CPEB3: variants seen among roughly 807,000 people sequenced by gnomAD.
CPEB3 encodes cytoplasmic polyadenylation element-binding protein 3.
CPEB3 carries 20 observed loss-of-function variants against 67.2 expected under a neutral mutation model. That is an observed-to-expected ratio of 0.30 (90% CI 0.21 to 0.43). The LOEUF (loss-of-function observed/expected upper bound fraction) is 0.43, where lower values mean the gene tolerates loss of function less well. CPEB3 is among the 20% of genes least tolerant of loss of function. CPEB3 has a pLI of 1.00. For missense variants in CPEB3, 746 were observed against 968.6 expected (o/e 0.77, Z 3.05); for synonymous variants, 376 against 393.1 (o/e 0.96, Z 0.51).
At chr10:92,147,427 G>A (rs1165380992) in intron 4 of CPEB3, among the ~76,000 whole-genome samples, 1 of 152,060 alleles carries the variant, frequency 6.6e-6, no homozygotes, top group African/African-American at 2.4e-5. Context: ...GTGCACACCA[G>A]CCTGGGTGAC....
At chr10:92,163,687 C>T (rs1164143668) in intron 4 of CPEB3, among the ~76,000 whole-genome samples, 6 of 152,136 alleles carry the variant, frequency 3.9e-5, no homozygotes, top group Non-Finnish European at 8.8e-5. Context: ...TCTTTAAATG[C>T]TCCTCCTATA....
intron 1 of CPEB3, among the ~76,000 whole-genome samples, chr10:92,241,246 A>G (rs1414188759): frequency 7.4e-6 from 1 of 134,232 alleles, no homozygotes; most frequent in Middle Eastern, 3.6e-3. Flanking sequence ...TTCTCTGCAG[A>G]GTGGAGAAAT....
intron 4 of CPEB3, among the ~76,000 whole-genome samples, chr10:92,149,368 G>A (rs1266430460): frequency 6.6e-6 from 1 of 152,200 alleles, no homozygotes; most frequent in African/African-American, 2.4e-5. Flanking sequence ...TTTGAACTCA[G>A]GGAGAGGGTG....
intron 2 of CPEB3, among the ~76,000 whole-genome samples, chr10:92,199,679 CAAAAAA>C (rs59100106): frequency 1.4e-5 from 1 of 71,096 alleles, no homozygotes; most frequent in Non-Finnish European, 2.5e-5. Flanking sequence ...GACTCCATCT[CAAAAAA>C]AAAAAAAAAA....
chr10:92,132,692 AC>A (rs1280339629), intron 6 of CPEB3, among the ~76,000 whole-genome samples: 1 of 152,130 alleles, frequency 6.6e-6, no homozygotes, highest in African/African-American at 2.4e-5. Context: ...AGAACTCTCC[AC>A]CCCAAATCAA....
intron 8 of CPEB3, 73 bp from the exon 9 acceptor site, chr10:92,081,574 T>C: frequency 7.7e-7 from 1 of 1,292,146 alleles, no homozygotes; most frequent in Non-Finnish European, 1.1e-6. Flanking sequence ...AAGGAAGAAT[T>C]ATTTAGAGAT....
chr10:92,088,972 GTTTTC>G (rs1173070361), intron 8 of CPEB3, among the ~76,000 whole-genome samples: 3 of 152,130 alleles, frequency 2.0e-5, no homozygotes, highest in African/African-American at 4.8e-5. Flanking sequence ...AAACACATTT[GTTTTC>G]TTCTGAAATC....
intron 2 of CPEB3, among the ~76,000 whole-genome samples, chr10:92,237,190 C>G (rs1851581683): frequency 6.6e-6 from 1 of 152,172 alleles, no homozygotes; most frequent in East Asian, 1.9e-4. Context: ...AATATCCCAG[C>G]CAAAGCACAA....
intron 1 of CPEB3, among the ~76,000 whole-genome samples, chr10:92,249,333 C>T (rs925439091): frequency 8.7e-5 from 13 of 149,668 alleles, no homozygotes; most frequent in Middle Eastern, 3.2e-3. Flanking sequence ...GAGCCAAGAT[C>T]GTGCCACTGC....
At chr10:92,243,839 A>C (rs1851949808) in intron 1 of CPEB3, among the ~76,000 whole-genome samples, 2 of 152,164 alleles carry the variant, frequency 1.3e-5, no homozygotes, top group South Asian at 2.1e-4. Context: ...TTTAGTCATA[A>C]ATTTTTGACA....
At position 92,111,150 on chromosome 10, in the gene CPEB3, A is replaced by C. The variant is rs1246781255; in HGVS notation, c.1498T>G (p.Leu500Val). ...LFQEESSVQA[L>V]IDACLEEDGK... ...TCTTCTTCTAGGCAGGCATCTATCAAAGCTTGTACTGAGCTTTCCTCTTGG... is the reference window on the plus strand; with the variant it reads ...TCTTCTTCTAGGCAGGCATCTATCACAGCTTGTACTGAGCTTTCCTCTTGG... Residue 500 changes from leucine to valine, a missense_variant, in exon 7 of 10, where the codon TTG becomes GTG. Leu to Val is a conservative substitution (Grantham distance 32). Coordinates refer to ENST00000265997, the MANE Select transcript of CPEB3 (RefSeq NM_014912.5). The C allele has an allele frequency of 6.2e-7, 1 of 1,614,186 alleles. No homozygotes were observed. Among genetic ancestry groups the C allele is most frequent in the South Asian group, 1.1e-5 (1 of 91,090 alleles).
At chr10:92,161,462 A>G (rs1037573696) in intron 4 of CPEB3, among the ~76,000 whole-genome samples, 9 of 151,872 alleles carry the variant, frequency 5.9e-5, no homozygotes, top group African/African-American at 2.2e-4. Context: ...TAGTAGAGAC[A>G]CGATTTCACC....
At chr10:92,148,992 C>A (rs1019058811) in intron 4 of CPEB3, among the ~76,000 whole-genome samples, 48 of 151,710 alleles carry the variant, frequency 3.2e-4, no homozygotes, top group Admixed American at 2.6e-4. Context: ...CCTCTGCCTC[C>A]CAGGTTCAAA....
At chr10:92,249,224 A>G (rs1353320238) in intron 1 of CPEB3, among the ~76,000 whole-genome samples, 1 of 151,924 alleles carries the variant, frequency 6.6e-6, no homozygotes, top group Non-Finnish European at 1.5e-5. Context: ...TAAAAACACA[A>G]AAAAATTAGC....
intron 1 of CPEB3, among the ~76,000 whole-genome samples, chr10:92,286,736 T>G (rs1200517688): frequency 6.6e-6 from 1 of 152,208 alleles, no homozygotes; most frequent in Admixed American, 6.6e-5. Flanking sequence ...TCACCAAATT[T>G]GGCAATTGAC....
chr10:92,214,067 T>C (rs2061856656), intron 2 of CPEB3, among the ~76,000 whole-genome samples: 1 of 152,150 alleles, frequency 6.6e-6, no homozygotes, highest in Admixed American at 6.6e-5. Flanking sequence ...TTCCACCAAA[T>C]AGTCACCCAT....
chr10:92,191,617 C>G (rs1848990049), intron 3 of CPEB3, among the ~76,000 whole-genome samples: 1 of 152,002 alleles, frequency 6.6e-6, no homozygotes, highest in Non-Finnish European at 1.5e-5. Context: ...TAGAGAGAAC[C>G]GGAGGGGATT....
chr10:92,071,598 G>A (rs985055293), intron 9 of CPEB3, among the ~76,000 whole-genome samples: 6 of 151,916 alleles, frequency 3.9e-5, no homozygotes, highest in Non-Finnish European at 7.4e-5. Context: ...AGCTGGGCAC[G>A]GTGGCAGGCG....
intron 2 of CPEB3, among the ~76,000 whole-genome samples, chr10:92,238,461 T>G (rs750292228): frequency 6.6e-6 from 1 of 152,190 alleles, no homozygotes; most frequent in Non-Finnish European, 1.5e-5. Context: ...TTCATTAAAG[T>G]TGCAAGACTT....
Sources: allele counts gnomAD v4.1 joint callset (sites outside exome capture counted in the v4.1 genomes callset), GRCh38; gene constraint gnomAD v4.1.1; transcripts MANE v1.5; gene names NCBI Gene and HGNC (gene_info 2026-07-23, HGNC 2026-07-21).